Variants in KCNT2 observed in about 807,000 individuals in gnomAD.
The protein encoded by KCNT2 is potassium sodium-activated channel subfamily T member 2.
A neutral mutation model predicts 153.8 loss-of-function variants in KCNT2; 67 were observed. The ratio of observed to expected loss-of-function variants is 0.44; its 90% confidence interval spans 0.36 to 0.53. The LOEUF (loss-of-function observed/expected upper bound fraction) is 0.53, where lower values mean the gene tolerates loss of function less well. Among genes scored for constraint, KCNT2 ranks in the 20% least tolerant of loss-of-function variants. The pLI is 0.00. For synonymous variants in KCNT2, 500 were observed against 458.8 expected (o/e 1.09, Z -1.15); for missense variants, 975 against 1,354.8 (o/e 0.72, Z 4.40).
chr1:196,608,206 AC>A lies in KCNT2; in HGVS notation c.95+8del, dbSNP rs1461842458. The A allele has an allele frequency of 4.3e-6, 7 of 1,612,226 alleles. No homozygotes were observed. Among genetic ancestry groups the A allele is most frequent in the Non-Finnish European group, 5.9e-6 (7 of 1,178,628 alleles). On this transcript the variant is annotated splice_region_variant and intron_variant, in intron 1 of 27. Coordinates refer to ENST00000294725, the MANE Select transcript of KCNT2 (RefSeq NM_198503.5). ...TATTTACAGAACAATCCTCCACCAC[AC>A]CACTCACCTGTCGTCGTTTTGCCAT...
intron 8 of KCNT2, among the ~76,000 whole-genome samples, chr1:196,456,135 G>T (rs1241837379): frequency 6.6e-6 from 1 of 151,998 alleles, no homozygotes; most frequent in Non-Finnish European, 1.5e-5. Flanking sequence ...GCCTCAGGAG[G>T]CATGAACAGG....
intron 13 of KCNT2, among the ~76,000 whole-genome samples, chr1:196,381,137 T>C (rs1669450008): frequency 6.6e-6 from 1 of 152,146 alleles, no homozygotes; most frequent in African/African-American, 2.4e-5. Flanking sequence ...CACGTTTCTG[T>C]TTTTCCAGTT....
intron 8 of KCNT2, among the ~76,000 whole-genome samples, chr1:196,447,933 CAAAGG>C (rs762974186): frequency 2.0e-5 from 3 of 150,078 alleles, no homozygotes; most frequent in Non-Finnish European, 4.4e-5. Context: ...TAACTCTTAC[CAAAGG>C]TCTGGAAAGA....
intron 12 of KCNT2, among the ~76,000 whole-genome samples, chr1:196,407,746 T>C (rs1055913605): frequency 2.0e-5 from 3 of 151,578 alleles, no homozygotes; most frequent in African/African-American, 7.3e-5. Flanking sequence ...TTGCTTTCTT[T>C]TCTAAGATAC....
intron 8 of KCNT2, among the ~76,000 whole-genome samples, chr1:196,458,932 T>G (rs1030578773): frequency 3.3e-5 from 5 of 151,900 alleles, no homozygotes; most frequent in Admixed American, 2.6e-4. Context: ...ATTCCTGTAA[T>G]TCAAACATTA....
intron 12 of KCNT2, among the ~76,000 whole-genome samples, chr1:196,412,860 T>A (rs531553156): frequency 6.6e-6 from 1 of 151,816 alleles, no homozygotes; most frequent in South Asian, 2.1e-4. Flanking sequence ...TCATTTTGTT[T>A]AGAGAACAAA....
intron 20 of KCNT2, among the ~76,000 whole-genome samples, chr1:196,318,550 T>C (rs922303634): frequency 6.6e-6 from 1 of 151,810 alleles, no homozygotes; most frequent in Non-Finnish European, 1.5e-5. Context: ...AACAGAACAC[T>C]ATTACCTCAA....
intron 22 of KCNT2, among the ~76,000 whole-genome samples, chr1:196,297,063 T>A (rs1660737327): frequency 6.6e-6 from 1 of 152,040 alleles, no homozygotes; most frequent in Non-Finnish European, 1.5e-5. Flanking sequence ...CTTATAAGCA[T>A]TTTTATTTCT....
intron 25 of KCNT2, among the ~76,000 whole-genome samples, chr1:196,278,946 C>G (rs1434761657): frequency 6.6e-6 from 1 of 152,158 alleles, no homozygotes; most frequent in Non-Finnish European, 1.5e-5. Flanking sequence ...AAAGAGGACT[C>G]AGAGAGATCC....
At chr1:196,252,689 A>G (rs1422597840) in intron 26 of KCNT2, among the ~76,000 whole-genome samples, 1 of 151,666 alleles carries the variant, frequency 6.6e-6, no homozygotes, top group Non-Finnish European at 1.5e-5. Context: ...TATTTGGTCT[A>G]GATCCATAAT....
At chr1:196,279,109 C>A (rs1197540749) in intron 25 of KCNT2, among the ~76,000 whole-genome samples, 1 of 152,146 alleles carries the variant, frequency 6.6e-6, no homozygotes, top group Non-Finnish European at 1.5e-5. Context: ...TGTTTACAAG[C>A]CACCCAGTCC....
At chr1:196,473,982 C>T (rs576400746) in intron 5 of KCNT2, among the ~76,000 whole-genome samples, 20 of 152,164 alleles carry the variant, frequency 1.3e-4, no homozygotes, top group African/African-American at 4.6e-4. Flanking sequence ...CAAAAAGTAA[C>T]TTCTTTAGTT....
intron 21 of KCNT2, among the ~76,000 whole-genome samples, chr1:196,307,772 A>G (rs756454118): frequency 3.9e-5 from 6 of 152,094 alleles, no homozygotes; most frequent in Non-Finnish European, 7.4e-5. Context: ...TCAATAAATA[A>G]AAGTTATTTT....
intron 1 of KCNT2, among the ~76,000 whole-genome samples, chr1:196,525,082 C>T (rs965947796): frequency 6.6e-6 from 1 of 152,038 alleles, no homozygotes; most frequent in African/African-American, 2.4e-5. Context: ...GATTAGATGT[C>T]AATGTCATTT....
intron 20 of KCNT2, among the ~76,000 whole-genome samples, chr1:196,317,509 A>G (rs16839769): frequency 0.013 from 1,955 of 151,838 alleles, 43 homozygotes; most frequent in African/African-American, 0.045. Context: ...CGCTTAAGTC[A>G]TATGTCTTCA....
intron 1 of KCNT2, among the ~76,000 whole-genome samples, chr1:196,544,703 T>A (rs1656844262): frequency 6.6e-6 from 1 of 152,096 alleles, no homozygotes; most frequent in Admixed American, 6.6e-5. Flanking sequence ...TTGGTATGAT[T>A]CCATATTCTC....
chr1:196,243,354 CA>C (rs199815803), intron 26 of KCNT2, among the ~76,000 whole-genome samples: 3 of 150,338 alleles, frequency 2.0e-5, no homozygotes, highest in Middle Eastern at 3.4e-3. Context: ...ACTATCCACA[CA>C]AAAAAAAACA....
intron 26 of KCNT2, among the ~76,000 whole-genome samples, chr1:196,239,168 A>T (rs1461765059): frequency 6.6e-6 from 1 of 151,928 alleles, no homozygotes; most frequent in African/African-American, 2.4e-5. Context: ...TTTCTTACCA[A>T]ATAAAAATAT....
chr1:196,288,376 T>A (rs1308196954), intron 22 of KCNT2, among the ~76,000 whole-genome samples: 1 of 152,024 alleles, frequency 6.6e-6, no homozygotes, highest in Admixed American at 6.6e-5. Context: ...GGACATATGG[T>A]TACCCTACTT....
Sources: allele counts gnomAD v4.1 joint callset (sites outside exome capture counted in the v4.1 genomes callset), GRCh38; gene constraint gnomAD v4.1.1; transcripts MANE v1.5; gene names NCBI Gene and HGNC (gene_info 2026-07-23, HGNC 2026-07-21).